The following SMIM36 variants were observed in gnomAD, a reference collection of about 807,000 sequenced individuals.
The protein encoded by SMIM36 is small integral membrane protein 36.
At chr17:55,513,145 G>C (rs1308024896), upstream of SMIM36, among the ~76,000 whole-genome samples, 1 of 152,184 alleles carries the variant, frequency 6.6e-6, no homozygotes. Flanking sequence ...ATCAACCCTA[G>C]ATCTACTGAG....
chr17:55,520,728 A>G, the SMIM36 span, among the ~76,000 whole-genome samples: 53,265 of 152,114 alleles, frequency 0.35, 11,074 homozygotes, highest in Non-Finnish European at 0.46. Context: ...TTTTCACTTA[A>G]TATTTTCAGA....
intron 3 of SMIM36, 46 bp downstream of exon 3, chr17:55,478,716 G>GA (rs1909468032): frequency 6.6e-6 from 1 of 152,152 alleles, no homozygotes; most frequent in Non-Finnish European, 1.5e-5. Context: ...GCCCTGTTCT[G>GA]GTTGAAATGG....
chr17:55,522,407 T>C, the SMIM36 span, among the ~76,000 whole-genome samples: 1 of 152,168 alleles, frequency 6.6e-6, no homozygotes, highest in African/African-American at 2.4e-5. Context: ...GGATAACTTA[T>C]AAAGGAAAGA....
chr17:55,499,382 G>A (rs1909869706), intron 1 of SMIM36, among the ~76,000 whole-genome samples: 2 of 152,110 alleles, frequency 1.3e-5, no homozygotes, highest in Non-Finnish European at 1.5e-5. Flanking sequence ...CTAGAATTGA[G>A]TTCAAATCCT....
intron 2 of SMIM36, 27 bp from the exon 3 acceptor site, chr17:55,478,840 T>A (rs1909470682): frequency 6.6e-6 from 1 of 152,082 alleles, no homozygotes; most frequent in Non-Finnish European, 1.5e-5. Flanking sequence ...AAACACTGGG[T>A]TAAATGTTCA....
chr17:55,482,425 T>C (rs1277486062), intron 1 of SMIM36, among the ~76,000 whole-genome samples: 1 of 152,208 alleles, frequency 6.6e-6, no homozygotes, highest in Non-Finnish European at 1.5e-5. Flanking sequence ...CTGAAACTCA[T>C]CTCTCCTTCT....
At chr17:55,457,201 G>C (rs1169631888) in intron 4 of SMIM36, among the ~76,000 whole-genome samples, 5 of 152,076 alleles carry the variant, frequency 3.3e-5, no homozygotes, top group African/African-American at 1.2e-4. Flanking sequence ...TGTGATCCCA[G>C]CACTTCGGGA....
chr17:55,464,274 C>G (rs530829746), intron 4 of SMIM36, among the ~76,000 whole-genome samples: 1 of 152,146 alleles, frequency 6.6e-6, no homozygotes, highest in South Asian at 2.1e-4. Context: ...ATTGATTCCA[C>G]GTGGAGCCCT....
chr17:55,473,422 G>T (rs1439129624), intron 3 of SMIM36, among the ~76,000 whole-genome samples: 1 of 152,136 alleles, frequency 6.6e-6, no homozygotes, highest in African/African-American at 2.4e-5. Flanking sequence ...CTCCGAAAAG[G>T]CTACTGCGGT....
intron 1 of SMIM36, among the ~76,000 whole-genome samples, chr17:55,497,998 A>T (rs987798378): frequency 6.6e-6 from 1 of 152,142 alleles, no homozygotes; most frequent in African/African-American, 2.4e-5. Context: ...ATTGCCTCAC[A>T]CTTTTGGAAA....
chr17:55,499,326 T>C (rs1384997997), intron 1 of SMIM36, among the ~76,000 whole-genome samples: 1 of 152,188 alleles, frequency 6.6e-6, no homozygotes, highest in East Asian at 1.9e-4. Flanking sequence ...GGTTTATTCC[T>C]GCTCTTTAAT....
chr17:55,458,650 C>T (rs1909076358), intron 4 of SMIM36, among the ~76,000 whole-genome samples: 1 of 150,154 alleles, frequency 6.7e-6, no homozygotes, highest in Non-Finnish European at 1.5e-5. Context: ...AAGACACAAG[C>T]AGCTGGTCGT....
At chr17:55,520,287 A>G in the SMIM36 span, among the ~76,000 whole-genome samples, 1 of 152,170 alleles carries the variant, frequency 6.6e-6, no homozygotes, top group African/African-American at 2.4e-5. Flanking sequence ...TCAAGTATGT[A>G]GTAGGCACAA....
At chr17:55,521,167 T>C in the SMIM36 span, among the ~76,000 whole-genome samples, 1 of 152,110 alleles carries the variant, frequency 6.6e-6, no homozygotes, top group East Asian at 1.9e-4. Context: ...TCTCAGAATG[T>C]ATGAAAGAAA....
chr17:55,472,879 AAAGAAAAG>A (rs1909364656), intron 3 of SMIM36, among the ~76,000 whole-genome samples: 1 of 136,072 alleles, frequency 7.3e-6, no homozygotes, highest in Admixed American at 7.4e-5. Flanking sequence ...AAAAAAAAAA[AAAGAAAAG>A]AAAAGAAAAA....
At chr17:55,495,628 AT>A (rs34617289) in intron 1 of SMIM36, among the ~76,000 whole-genome samples, 4,753 of 145,062 alleles carry the variant, frequency 0.033, 141 homozygotes, top group African/African-American at 0.079. Flanking sequence ...GTCTCTATAA[AT>A]TTTTTTTTTT....
intron 4 of SMIM36, among the ~76,000 whole-genome samples, chr17:55,464,922 C>T (rs982025074): frequency 1.4e-4 from 22 of 152,142 alleles, no homozygotes; most frequent in African/African-American, 5.3e-4. Context: ...GATTTGCAAA[C>T]CATAGGCAAT....
chr17:55,463,400 T>TA (rs898606695), intron 4 of SMIM36, among the ~76,000 whole-genome samples: 3 of 151,130 alleles, frequency 2.0e-5, no homozygotes, highest in African/African-American at 7.3e-5. Context: ...AAAAAAGAAA[T>TA]AAAAAAAATT....
At position 55,501,046 on chromosome 17, in the gene SMIM36, A is replaced by G. The variant is rs1198096877; in HGVS notation, c.*174+9833T>C. Among the ~76,000 whole-genome samples, 6 of 38,216 alleles carry G rather than the reference A, an allele frequency of 1.6e-4. 2 individuals carry two copies. The highest frequency in any genetic ancestry group is 1.9e-4 in the Non-Finnish European group (4 of 20,864). 25.1% of individuals were successfully genotyped at this position (38,216 alleles called of 152,430 possible). A position where few individuals can be genotyped will look rare whatever the true frequency, so the allele number is the denominator to read the frequency against. On this transcript the variant is annotated intron_variant, in intron 1 of 4. Coordinates refer to ENST00000636752, the Ensembl canonical transcript of SMIM36. ...AATATATAATATATTATTATATATT[A>G]TAATATATAATATATTATTATATAT... is the stretch of plus-strand genomic sequence containing the variant.
Sources: allele counts gnomAD v4.1 joint callset (sites outside exome capture counted in the v4.1 genomes callset), GRCh38; gene constraint gnomAD v4.1.1; transcripts MANE v1.5; gene names NCBI Gene and HGNC (gene_info 2026-07-23, HGNC 2026-07-21).